FAM193A: variants seen among roughly 807,000 people sequenced by gnomAD.
FAM193A encodes the protein family with sequence similarity 193 member A, also known as protein FAM193A.
FAM193A carries 22 observed loss-of-function variants against 126.5 expected under a neutral mutation model. The observed-to-expected ratio is 0.17, with a 90% CI of 0.12 to 0.25. The LOEUF (loss-of-function observed/expected upper bound fraction) is 0.25, where lower values mean the gene tolerates loss of function less well. FAM193A is among the 10% of genes least tolerant of loss of function. The probability of loss-of-function intolerance (pLI) is 1.00; values close to 1 mark genes in which losing one functional copy is unlikely to be tolerated. For missense variants in FAM193A, 1,675 were observed against 1,672.8 expected (o/e 1.00, Z -0.02); for synonymous variants, 761 against 646.8 (o/e 1.18, Z -2.68).
At chr4:2,605,770 G>T (rs539455833) in intron 2 of FAM193A, among the ~76,000 whole-genome samples, 2 of 152,018 alleles carry the variant, frequency 1.3e-5, no homozygotes, top group Non-Finnish European at 2.9e-5. Flanking sequence ...TCAGGAGTTC[G>T]AGACCAGCCT....
chr4:2,623,627 G>T (rs2857798), intron 2 of FAM193A, among the ~76,000 whole-genome samples: 40,422 of 152,088 alleles, frequency 0.27, 5,816 homozygotes, highest in Middle Eastern at 0.38. Context: ...CTCAGCAGCA[G>T]ACTGGGGTAG....
intron 19 of FAM193A, among the ~76,000 whole-genome samples, chr4:2,704,308 A>G (rs1577240054): frequency 6.6e-6 from 1 of 151,640 alleles, no homozygotes; most frequent in African/African-American, 2.4e-5. Flanking sequence ...GCTCACATCC[A>G]TAATCCCAGC....
At chr4:2,668,674 T>TA (rs1713421488) in intron 12 of FAM193A, among the ~76,000 whole-genome samples, 1 of 152,208 alleles carries the variant, frequency 6.6e-6, no homozygotes, top group African/African-American at 2.4e-5. Flanking sequence ...AAACCAATAA[T>TA]ATGTTTTAAT....
intron 20 of FAM193A, among the ~76,000 whole-genome samples, chr4:2,730,825 A>C (rs2109449895): frequency 6.6e-6 from 1 of 150,892 alleles, no homozygotes; most frequent in East Asian, 2.0e-4. Flanking sequence ...CCTGGGAGGC[A>C]GAGGTTGCAG....
chr4:2,548,700 A>C (rs948481798), intron 1 of FAM193A, among the ~76,000 whole-genome samples: 7 of 149,980 alleles, frequency 4.7e-5, no homozygotes, highest in Admixed American at 2.0e-4. Context: ...CAAGTGATCT[A>C]CCGGCCTCAG....
upstream of FAM193A, among the ~76,000 whole-genome samples, chr4:2,535,464 C>G (rs1199927643): frequency 6.6e-6 from 1 of 152,200 alleles, no homozygotes; most frequent in African/African-American, 2.4e-5. Context: ...AGCCCGCCGC[C>G]TCTCGGCCTG....
At chr4:2,616,151 T>C (rs976680066) in intron 2 of FAM193A, among the ~76,000 whole-genome samples, 2 of 152,248 alleles carry the variant, frequency 1.3e-5, no homozygotes, top group Non-Finnish European at 2.9e-5. Context: ...ATTTCTACTT[T>C]AGGTATTTTG....
chr4:2,633,643 G>C (rs1743817004), intron 5 of FAM193A, among the ~76,000 whole-genome samples: 1 of 151,804 alleles, frequency 6.6e-6, no homozygotes, highest in South Asian at 2.1e-4. Flanking sequence ...TATAATCCCA[G>C]CACTTTGGGA....
chr4:2,570,865 T>C (rs1051339326), intron 1 of FAM193A, among the ~76,000 whole-genome samples: 1 of 152,150 alleles, frequency 6.6e-6, no homozygotes. Context: ...ACTCAGGTGG[T>C]CATGTATCCT....
chr4:2,555,908 G>GT (rs34976046), intron 1 of FAM193A, among the ~76,000 whole-genome samples: 5,638 of 140,218 alleles, frequency 0.04, 112 homozygotes, highest in South Asian at 0.078. Context: ...GAGAGACACT[G>GT]TTTTTTTTTT....
chr4:2,663,316 G>C, intron 12 of FAM193A, 28 bp downstream of exon 12: 1 of 1,520,898 alleles, frequency 6.6e-7, no homozygotes, highest in Non-Finnish European at 8.8e-7. Context: ...GTTTTGCCAA[G>C]GATCTCTTTT....
intron 12 of FAM193A, among the ~76,000 whole-genome samples, chr4:2,667,164 T>C (rs2109137566): frequency 6.6e-6 from 1 of 152,328 alleles, no homozygotes; most frequent in South Asian, 2.1e-4. Context: ...GTTCAAGAAA[T>C]GAAAGTTTGA....
At chr4:2,569,528 C>T (rs901824396) in intron 1 of FAM193A, among the ~76,000 whole-genome samples, 2 of 152,108 alleles carry the variant, frequency 1.3e-5, no homozygotes, top group Non-Finnish European at 2.9e-5. Flanking sequence ...GAGACAGGGT[C>T]TTCTCCGTCA....
At chr4:2,649,984 A>C (rs1461819088) in intron 7 of FAM193A, among the ~76,000 whole-genome samples, 1 of 152,202 alleles carries the variant, frequency 6.6e-6, no homozygotes, top group South Asian at 2.1e-4. Flanking sequence ...TGCGTGTGCA[A>C]GGGATCTAGA....
intron 19 of FAM193A, among the ~76,000 whole-genome samples, chr4:2,714,908 C>G (rs1015840020): frequency 2.6e-5 from 4 of 152,166 alleles, no homozygotes; most frequent in Admixed American, 2.0e-4. Context: ...ACTGCACCCC[C>G]CCAACCCCGC....
chr4:2,541,057 G>A (rs1442025879), intron 1 of FAM193A, among the ~76,000 whole-genome samples: 1 of 151,470 alleles, frequency 6.6e-6, no homozygotes, highest in African/African-American at 2.4e-5. Context: ...GATCAGCTGA[G>A]GTCAGGAGTT....
intron 19 of FAM193A, among the ~76,000 whole-genome samples, chr4:2,702,689 C>T (rs1001561601): frequency 3.9e-5 from 6 of 152,340 alleles, no homozygotes; most frequent in Admixed American, 1.3e-4. Flanking sequence ...AGAACCTGGA[C>T]CCCATCATCC....
chr4:2,549,657 A>G (rs1046665485), intron 1 of FAM193A, among the ~76,000 whole-genome samples: 71 of 151,528 alleles, frequency 4.7e-4, no homozygotes, highest in East Asian at 7.8e-4. Flanking sequence ...CAGCCTCCCA[A>G]AGTGCTGGGA....
chr4:2,624,995 C>G (rs1376383439), intron 2 of FAM193A, among the ~76,000 whole-genome samples: 2 of 152,192 alleles, frequency 1.3e-5, no homozygotes, highest in East Asian at 3.9e-4. Flanking sequence ...GTAGCTGGGA[C>G]TACAGGCGGG....
Sources: allele counts gnomAD v4.1 joint callset (sites outside exome capture counted in the v4.1 genomes callset), GRCh38; gene constraint gnomAD v4.1.1; transcripts MANE v1.5; gene names NCBI Gene and HGNC (gene_info 2026-07-23, HGNC 2026-07-21).